ZBTB8OS: variants seen among roughly 807,000 people sequenced by gnomAD.
The protein encoded by ZBTB8OS is tRNA-splicing ligase-activating factor archease.
Under a neutral mutation model 29.3 loss-of-function variants are expected in ZBTB8OS, and 16 were observed. The ratio of observed to expected loss-of-function variants is 0.55; its 90% CI spans 0.37 to 0.83. The LOEUF (loss-of-function observed/expected upper bound fraction) is 0.83, where lower values mean the gene tolerates loss of function less well. Ranked by LOEUF, ZBTB8OS falls within the 40% of genes least tolerant of loss-of-function variation. The pLI is 0.00. For missense variants in ZBTB8OS, 160 were observed against 196.9 expected (o/e 0.81, Z 1.12); for synonymous variants, 70 against 64.6 (o/e 1.08, Z -0.40).
intron 4 of ZBTB8OS, 45 bp from the exon 5 acceptor site, chr1:32,631,924 G>T: frequency 1.1e-6 from 1 of 950,988 alleles, no homozygotes; most frequent in South Asian, 1.8e-5. Flanking sequence ...GTTCATAATA[G>T]ACTATCTACT....
chr1:32,627,676 C>T (rs1327481495), intron 5 of ZBTB8OS, 132 bp from the exon 6 acceptor site: 2 of 744,390 alleles, frequency 2.7e-6, no homozygotes, highest in African/African-American at 3.5e-5. Flanking sequence ...TGTTAAGTTT[C>T]ATTTTCATTT....
rs1644749373 is a variant in ZBTB8OS, at chr1:32,621,412, A to G, written c.*450T>C. On this transcript the variant is annotated 3_prime_UTR_variant, in exon 7 of 7. Coordinates refer to ENST00000468695, the MANE Select transcript of ZBTB8OS (RefSeq NM_178547.5). Reference sequence around the variant, plus strand: ...AGACTCCGTCTCAAAAAAAAAAAAAAAAAAGAAACAAAATATATGTCTTAA... The same window carrying G: ...AGACTCCGTCTCAAAAAAAAAAAAAGAAAAGAAACAAAATATATGTCTTAA... The G allele has an allele frequency of 6.5e-6, 1 of 153,692 alleles. No individual in the cohort carries two copies. Among genetic ancestry groups the G allele is most frequent in the Non-Finnish European group, 1.4e-5 (1 of 69,278 alleles). The allele number at this position is 153,692 out of a possible 1,614,324, so 9.5% of individuals were successfully genotyped here.
intron 1 of ZBTB8OS, among the ~76,000 whole-genome samples, chr1:32,635,345 C>T: frequency 6.6e-6 from 1 of 151,452 alleles, no homozygotes; most frequent in Admixed American, 6.6e-5. Context: ...GATCTTGGCT[C>T]ACTGCAGCCT....
chr1:32,642,427 C>A (rs1310343166), intron 1 of ZBTB8OS, among the ~76,000 whole-genome samples: 4 of 151,580 alleles, frequency 2.6e-5, no homozygotes, highest in Non-Finnish European at 5.9e-5. Flanking sequence ...TTGCTTGAAC[C>A]CAGGAGACAG....
chr1:32,645,850 A>G (rs1646787885), intron 1 of ZBTB8OS, among the ~76,000 whole-genome samples: 1 of 152,168 alleles, frequency 6.6e-6, no homozygotes, highest in Non-Finnish European at 1.5e-5. Context: ...ATAACACCTC[A>G]GTATTATTAT....
At chr1:32,650,190 C>T (rs1479817998) in intron 1 of ZBTB8OS, among the ~76,000 whole-genome samples, 3 of 152,064 alleles carry the variant, frequency 2.0e-5, no homozygotes, top group African/African-American at 7.2e-5. Flanking sequence ...TGATTAGGCA[C>T]ATGTGGAAGA....
intron 1 of ZBTB8OS, among the ~76,000 whole-genome samples, chr1:32,641,464 G>A (rs1439504590): frequency 2.0e-5 from 3 of 149,108 alleles, no homozygotes; most frequent in African/African-American, 7.3e-5. Context: ...GTAGAGATGG[G>A]GTTTCTCCAT....
chr1:32,650,116 T>G (rs566205336), intron 1 of ZBTB8OS, among the ~76,000 whole-genome samples: 2 of 152,288 alleles, frequency 1.3e-5, no homozygotes, highest in East Asian at 3.9e-4. Context: ...GGGAAATACA[T>G]GGGGGTAACA....
At chr1:32,628,111 G>A (rs1570491167) in intron 5 of ZBTB8OS, among the ~76,000 whole-genome samples, 3 of 152,074 alleles carry the variant, frequency 2.0e-5, no homozygotes, top group South Asian at 2.1e-4. Flanking sequence ...TTGGGAGGCC[G>A]AAGCAGGTGG....
intron 1 of ZBTB8OS, among the ~76,000 whole-genome samples, chr1:32,644,515 G>C (rs1172996247): frequency 2.0e-5 from 3 of 149,510 alleles, no homozygotes; most frequent in African/African-American, 7.4e-5. Context: ...TCTATCCTAA[G>C]AATGTTCTTT....
chr1:32,635,347 C>T, intron 1 of ZBTB8OS, among the ~76,000 whole-genome samples: 1 of 151,682 alleles, frequency 6.6e-6, no homozygotes, highest in Admixed American at 6.6e-5. Flanking sequence ...TCTTGGCTCA[C>T]TGCAGCCTCT....
intron 6 of ZBTB8OS, among the ~76,000 whole-genome samples, chr1:32,627,072 T>A (rs1645179316): frequency 6.6e-6 from 1 of 152,166 alleles, no homozygotes; most frequent in South Asian, 2.1e-4. Flanking sequence ...CTTAAAACAT[T>A]TATTATCTGT....
Position 32,634,049 on chromosome 1 carries a change from A to T in ZBTB8OS, c.146T>A (p.Leu49Gln). The T allele has an allele frequency of 6.3e-7, 1 of 1,597,764 alleles. No homozygotes were observed. The highest frequency in any genetic ancestry group is 8.5e-7 in the Non-Finnish European group (1 of 1,175,912). Residue 49 changes from leucine (L) to glutamine (Q), a missense_variant, in exon 3 of 7, where the codon CTG (leucine) becomes CAG (glutamine). Leu to Gln is a moderately radical substitution (Grantham distance 113). Transcript: ENST00000468695. Reference protein sequence around the residue: ...DVQLHAWGDTLEEAFEQCAMA... With the variant: ...DVQLHAWGDTQEEAFEQCAMA... The stretch of plus-strand genomic sequence containing the variant: ...TGCACATTGCTCAAATGCTTCCTCC[A>T]GAGTATCTCCCCATGCGTGTAACCT...
At chr1:32,643,120 G>A (rs1294180379) in intron 1 of ZBTB8OS, among the ~76,000 whole-genome samples, 3 of 145,660 alleles carry the variant, frequency 2.1e-5, no homozygotes, top group Non-Finnish European at 4.5e-5. Context: ...TCCCAGGCTG[G>A]AGTACAATGG....
At chr1:32,631,354 CAAAAAAAAAAAAAAAGAA>C (rs1465078532) in intron 5 of ZBTB8OS, among the ~76,000 whole-genome samples, 1 of 63,210 alleles carries the variant, frequency 1.6e-5, no homozygotes, top group Non-Finnish European at 3.2e-5. Flanking sequence ...GACCCTGTAT[CAAAAAAAAAAAAAAAGAA>C]AAAAAAGAAA....
chr1:32,641,192 T>C (rs1646371095), intron 1 of ZBTB8OS, among the ~76,000 whole-genome samples: 1 of 150,960 alleles, frequency 6.6e-6, no homozygotes. Flanking sequence ...AACAAAAGCA[T>C]GTCTTTCATT....
At chr1:32,643,438 G>C (rs1646591219) in intron 1 of ZBTB8OS, among the ~76,000 whole-genome samples, 1 of 151,842 alleles carries the variant, frequency 6.6e-6, no homozygotes. Context: ...TGTCTACCAA[G>C]GTGGAGTACA....
chr1:32,628,769 CTACTAAAA>C (rs1255115258), intron 5 of ZBTB8OS, among the ~76,000 whole-genome samples: 6 of 152,096 alleles, frequency 3.9e-5, no homozygotes, highest in African/African-American at 1.2e-4. Context: ...GAACTCGTCT[CTACTAAAA>C]ATACAAAAAT....
chr1:32,625,534 AAAAACAAAACAAAACAAAAC>A (rs146908676), intron 6 of ZBTB8OS, among the ~76,000 whole-genome samples: 3 of 151,098 alleles, frequency 2.0e-5, no homozygotes, highest in Admixed American at 1.3e-4. Context: ...ACTCCGTCTC[AAAAACAAAACAAAACAAAAC>A]AAAACAAAAC....
Sources: gnomAD v4.1 joint callset for allele counts (sites outside exome capture counted in the v4.1 genomes callset) on GRCh38, gnomAD v4.1.1 for gene constraint, MANE v1.5 for transcripts, NCBI Gene and HGNC (gene_info 2026-07-23, HGNC 2026-07-21) for gene names.